ADGRD1: variants seen among roughly 807,000 people sequenced by gnomAD.
The protein encoded by ADGRD1 is G-protein coupled receptor 133.
A neutral mutation model predicts 113.4 loss-of-function variants in ADGRD1; 77 were observed. That is an observed-to-expected ratio of 0.68 (90% confidence interval 0.57 to 0.82). The LOEUF is 0.82. Among genes scored for constraint, ADGRD1 ranks in the 40% least tolerant of loss-of-function variants. The pLI, the probability that ADGRD1 is intolerant of heterozygous loss-of-function variation, is 0.00. For missense variants in ADGRD1, 1,036 were observed against 1,139.1 expected, an observed-to-expected ratio of 0.91 and a Z score of 1.30; for synonymous variants, 474 against 475.0, an observed-to-expected ratio of 1.00 and a Z score of 0.03.
At chr12:131,044,049 C>T (rs963326174) in intron 13 of ADGRD1, among the ~76,000 whole-genome samples, 7 of 152,208 alleles carry the variant, frequency 4.6e-5, no homozygotes, top group African/African-American at 1.7e-4. Flanking sequence ...TCAGGCCTCA[C>T]ACCGTGTAGG....
intron 12 of ADGRD1, among the ~76,000 whole-genome samples, chr12:131,012,838 G>A (rs980042493): frequency 3.3e-5 from 5 of 152,232 alleles, no homozygotes; most frequent in Non-Finnish European, 7.3e-5. Context: ...TTGGATGGTG[G>A]ACGGGGGAGG....
intron 14 of ADGRD1, among the ~76,000 whole-genome samples, chr12:131,083,849 CG>C (rs60659715): frequency 0.084 from 12,820 of 152,214 alleles, 592 homozygotes; most frequent in African/African-American, 0.11. Flanking sequence ...ATCCTGATCT[CG>C]CCACCCTGTC....
chr12:130,996,299 C>T lies in ADGRD1; in HGVS notation c.966+3907C>T, dbSNP rs1163672008. The stretch of plus-strand genomic sequence containing the variant: ...TCTCAATGAGCTGTTGGGTACACCT[C>T]CCAGACGGGGTGGTGGCCGGGCAGA... On this transcript the variant is annotated intron_variant, in intron 8 of 24. Transcript: ENST00000261654. 2.2e-3 allele frequency among the ~76,000 whole-genome samples: 328 copies of T among 146,096 alleles called. 6 individuals carry two copies. Among genetic ancestry groups the T allele is most frequent in the Admixed American group, 0.016 (222 of 14,126 alleles).
At chr12:131,061,269 C>A (rs1023289847) in intron 13 of ADGRD1, among the ~76,000 whole-genome samples, 17 of 152,220 alleles carry the variant, frequency 1.1e-4, no homozygotes, top group African/African-American at 4.1e-4. Flanking sequence ...CACAACCCAT[C>A]TGACCTGGCT....
chr12:131,000,310 G>T, intron 8 of ADGRD1, 73 bp from the exon 9 acceptor site: 1 of 1,140,882 alleles, frequency 8.8e-7, no homozygotes, highest in East Asian at 2.4e-5. Flanking sequence ...TGGAAGATGC[G>T]GGGAAAACTG....
intron 8 of ADGRD1, among the ~76,000 whole-genome samples, chr12:130,997,290 T>C (rs1234881297): frequency 7.2e-6 from 1 of 138,970 alleles, no homozygotes; most frequent in Non-Finnish European, 1.5e-5. Flanking sequence ...ACGGGGCAGC[T>C]GGCCTGGCGG....
Position 131,138,188 on chromosome 12 carries a change from T to C in ADGRD1, c.2488T>C (p.Ser830Pro). 6.2e-7 allele frequency: 1 copy of C among 1,613,692 alleles called. No individual in the cohort carries two copies. Among genetic ancestry groups the C allele is most frequent in the Non-Finnish European group, 8.5e-7 (1 of 1,179,956 alleles). Residue 830 changes from serine (S) to proline (P), a missense_variant, in exon 24 of 25, where the codon TCT becomes CCT. Coordinates refer to ENST00000261654, the MANE Select transcript of ADGRD1 (RefSeq NM_198827.5). Reference protein sequence around the residue: ...KTKVWSLTSSSARTSNAKPFH... With the variant: ...KTKVWSLTSSPARTSNAKPFH... ...CAAGGTCTGGTCGCTCACGAGCAGC[T>C]CTGCCCGCACCTCCAACGCGAAGCC...
intron 15 of ADGRD1, among the ~76,000 whole-genome samples, chr12:131,091,056 C>T (rs1375595094): frequency 1.3e-5 from 2 of 152,150 alleles, no homozygotes; most frequent in Non-Finnish European, 2.9e-5. Context: ...CATCCAGACC[C>T]ACCCTTCACC....
chr12:131,120,824 A>G, intron 19 of ADGRD1, 23 bp from the exon 20 acceptor site: 2 of 1,613,978 alleles, frequency 1.2e-6, no homozygotes, highest in Non-Finnish European at 1.7e-6. Context: ...TTGTTGAAGT[A>G]ACGGCTCTGC....
At chr12:131,083,370 G>A (rs1160433920) in intron 14 of ADGRD1, among the ~76,000 whole-genome samples, 2 of 152,068 alleles carry the variant, frequency 1.3e-5, no homozygotes, top group East Asian at 3.8e-4. Context: ...GGGAGGCTGA[G>A]GCAGGAAGGT....
chr12:131,015,162 C>T (rs1427045181), intron 13 of ADGRD1, among the ~76,000 whole-genome samples: 17 of 152,396 alleles, frequency 1.1e-4, no homozygotes, highest in Non-Finnish European at 2.2e-4. Flanking sequence ...CGACTCTGTG[C>T]GCATACCTGG....
chr12:131,038,473 C>T (rs1187548616), intron 13 of ADGRD1, among the ~76,000 whole-genome samples: 1 of 152,254 alleles, frequency 6.6e-6, no homozygotes, highest in African/African-American at 2.4e-5. Flanking sequence ...TATTCCCACC[C>T]AGGCCCATCC....
intron 14 of ADGRD1, among the ~76,000 whole-genome samples, chr12:131,081,788 C>T (rs1173384264): frequency 1.3e-5 from 2 of 152,096 alleles, no homozygotes; most frequent in East Asian, 1.9e-4. Flanking sequence ...TAGTATCATA[C>T]TCCTTTAACT....
chr12:130,962,466 G>A (rs148538345), intron 2 of ADGRD1: 68 of 152,308 alleles, frequency 4.5e-4, no homozygotes, highest in South Asian at 1.2e-3. Flanking sequence ...TTGTATAACA[G>A]ATGTTATTTC....
At chr12:130,983,580 G>C (rs1873275139) in intron 5 of ADGRD1, among the ~76,000 whole-genome samples, 1 of 152,132 alleles carries the variant, frequency 6.6e-6, no homozygotes. Context: ...TTTCCACCCA[G>C]GGAAAGGGCG....
intron 2 of ADGRD1, among the ~76,000 whole-genome samples, chr12:130,960,146 A>C (rs1870165068): frequency 6.6e-6 from 1 of 152,234 alleles, no homozygotes; most frequent in African/African-American, 2.4e-5. Context: ...GTTTATAAGC[A>C]TGCCATTTTA....
chr12:131,116,026 TCTC>T (rs1950455367), intron 18 of ADGRD1, among the ~76,000 whole-genome samples: 1 of 152,182 alleles, frequency 6.6e-6, no homozygotes, highest in Non-Finnish European at 1.5e-5. Context: ...CTCACTGTCT[TCTC>T]CATCTTACTG....
chr12:131,052,220 G>A lies in ADGRD1; in HGVS notation c.1474-24581G>A, dbSNP rs1318092401. Among the ~76,000 whole-genome samples the A allele has an allele frequency of 3.3e-5, 5 of 152,296 alleles. No homozygotes were observed. In the East Asian group the frequency reaches 9.7e-4, roughly 29 times the overall value. On this transcript the variant is annotated intron_variant, in intron 13 of 24. Transcript: ENST00000261654. ...AAGCTCTGCCTGGGAACACTGGGCT[G>A]TGCGAGCCACTCCCGGGGCTCATTT... is the stretch of plus-strand genomic sequence containing the variant.
rs115173510 is a variant in ADGRD1 at position 131,129,911 on chromosome 12, C to T, written c.2176-1814C>T. Among the ~76,000 whole-genome samples the T allele has an allele frequency of 5.0e-3, 758 of 152,342 alleles. 9 individuals are homozygous for T. The highest frequency in any genetic ancestry group is 0.017 in the African/African-American group (718 of 41,566). On this transcript the variant is annotated intron_variant, in intron 20 of 24. Coordinates refer to ENST00000261654, the MANE Select transcript of ADGRD1 (RefSeq NM_198827.5). ...TGCTTCCCAGGCAGATGGCCAAGGCCAGCCTGCCCCGAGGGCATGGGCCGC... is the reference window on the plus strand; with the variant it reads ...TGCTTCCCAGGCAGATGGCCAAGGCTAGCCTGCCCCGAGGGCATGGGCCGC...
Sources: gnomAD v4.1 joint callset for allele counts (sites outside exome capture counted in the v4.1 genomes callset) on GRCh38, gnomAD v4.1.1 for gene constraint, MANE v1.5 for transcripts, NCBI Gene and HGNC (gene_info 2026-07-23, HGNC 2026-07-21) for gene names.